LIMCH1: variants seen among roughly 807,000 people sequenced by gnomAD.
The protein encoded by LIMCH1 is LIM and calponin homology domains 1, also known as LIM and calponin homology domains-containing protein 1.
A neutral mutation model predicts 176.5 loss-of-function variants in LIMCH1; 113 were observed. The observed-to-expected ratio is 0.64, with a 90% CI of 0.55 to 0.75. LIMCH1 has a LOEUF of 0.75. Ranked by LOEUF, LIMCH1 falls within the 30% of genes least tolerant of loss-of-function variation. The probability of loss-of-function intolerance (pLI) is 0.00; values close to 1 mark genes in which losing one functional copy is unlikely to be tolerated. For synonymous variants in LIMCH1, 619 were observed against 645.9 expected (o/e 0.96, Z 0.63); for missense variants, 1,674 against 1,814.9 (o/e 0.92, Z 1.41).
At chr4:41,572,986 G>C (rs948882387) in intron 1 of LIMCH1, among the ~76,000 whole-genome samples, 2 of 152,168 alleles carry the variant, frequency 1.3e-5, no homozygotes, top group African/African-American at 4.8e-5. Context: ...CTGCATTAGG[G>C]GTTATGTAGA....
intron 29 of LIMCH1, 32 bp downstream of exon 29, chr4:41,687,949 G>T (rs776209079): frequency 6.4e-7 from 1 of 1,558,114 alleles, no homozygotes; most frequent in Non-Finnish European, 8.9e-7. Flanking sequence ...TTCTGAGGCT[G>T]CTTTGTTATG....
chr4:41,622,527 C>T (rs1037912245), intron 7 of LIMCH1, among the ~76,000 whole-genome samples: 7 of 152,040 alleles, frequency 4.6e-5, no homozygotes, highest in East Asian at 1.9e-4. Flanking sequence ...TGAAGGGGAG[C>T]GGCATTAAGC....
chr4:41,660,594 C>T (rs997889995), intron 18 of LIMCH1, among the ~76,000 whole-genome samples: 1 of 152,092 alleles, frequency 6.6e-6, no homozygotes, highest in African/African-American at 2.4e-5. Context: ...AGGTATGAGT[C>T]AAAGATCACT....
At chr4:41,460,476 A>ATATATATCTATCTATCTATC (rs965621988) in intron 1 of LIMCH1, among the ~76,000 whole-genome samples, 1 of 142,664 alleles carries the variant, frequency 7.0e-6, no homozygotes, top group African/African-American at 2.7e-5. Flanking sequence ...ATATATATAT[A>ATATATATCTATCTATCTATC]TATCTTATAA....
chr4:41,543,134 A>T (rs2078898299), intron 1 of LIMCH1, among the ~76,000 whole-genome samples: 1 of 152,226 alleles, frequency 6.6e-6, no homozygotes, highest in African/African-American at 2.4e-5. Flanking sequence ...GTGGGTGTTC[A>T]TTCCATTGGT....
At chr4:41,572,274 T>C (rs2083679528) in intron 1 of LIMCH1, among the ~76,000 whole-genome samples, 1 of 152,180 alleles carries the variant, frequency 6.6e-6, no homozygotes, top group Non-Finnish European at 1.5e-5. Flanking sequence ...TGTATAGAGA[T>C]ACACACAGTT....
intron 1 of LIMCH1, among the ~76,000 whole-genome samples, chr4:41,433,212 G>A (rs1352168910): frequency 6.6e-6 from 1 of 152,218 alleles, no homozygotes; most frequent in Non-Finnish European, 1.5e-5. Context: ...CCTTGCAAAT[G>A]AGCGGGCATT....
intron 1 of LIMCH1, among the ~76,000 whole-genome samples, chr4:41,478,243 A>C (rs900032160): frequency 2.0e-5 from 3 of 152,224 alleles, no homozygotes; most frequent in Admixed American, 1.3e-4. Context: ...CAAATCAAAA[A>C]TTAGTATTTT....
At chr4:41,468,886 C>T (rs147923494) in intron 1 of LIMCH1, among the ~76,000 whole-genome samples, 192 of 152,152 alleles carry the variant, frequency 1.3e-3, no homozygotes, top group African/African-American at 4.5e-3. Context: ...TATGGAGAGA[C>T]CGTTATTTTT....
At chr4:41,551,491 G>T (rs1464711271) in intron 1 of LIMCH1, 2 of 152,104 alleles carry the variant, frequency 1.3e-5, no homozygotes, top group African/African-American at 4.8e-5. Context: ...CCAGGGGTAG[G>T]CTGTATTGCT....
chr4:41,440,341 C>T (rs2062568568), intron 1 of LIMCH1, among the ~76,000 whole-genome samples: 1 of 152,120 alleles, frequency 6.6e-6, no homozygotes, highest in African/African-American at 2.4e-5. Context: ...TTTTTGACTT[C>T]AATGCTTTCC....
chr4:41,467,263 T>C (rs2066291700), intron 1 of LIMCH1, among the ~76,000 whole-genome samples: 2 of 152,070 alleles, frequency 1.3e-5, no homozygotes, highest in Admixed American at 1.3e-4. Flanking sequence ...CTTTTGGCTA[T>C]TGTGAATAAT....
In LIMCH1 at chr4:41,483,735, C is replaced by T. The variant is rs1048104598; in HGVS notation, c.97-10801C>T. Reference sequence around the variant, plus strand: ...TACAGGTCTTTGTATCTGCCTGGAGCGCCCTACTTCATCTCCTTCCTTGGG... The same window carrying T: ...TACAGGTCTTTGTATCTGCCTGGAGTGCCCTACTTCATCTCCTTCCTTGGG... On this transcript the variant is annotated intron_variant, in intron 1 of 26. Transcript: ENST00000313860. 5.9e-5 allele frequency among the ~76,000 whole-genome samples: 9 copies of T among 152,188 alleles called. No homozygotes were observed. The South Asian group carries it at 6.2e-4, about 11-fold the overall frequency.
intron 1 of LIMCH1, among the ~76,000 whole-genome samples, chr4:41,565,867 A>T (rs2082697366): frequency 6.6e-6 from 1 of 152,214 alleles, no homozygotes; most frequent in Admixed American, 6.5e-5. Flanking sequence ...GTCTAAGATG[A>T]TGCTGATAAT....
Position 41,646,583 on chromosome 4 carries a change from T to C in LIMCH1, c.2510T>C (p.Ile837Thr), listed in dbSNP as rs1562065405. Reference protein sequence around the residue: ...ILQQYIERFTISEAVLERLEM... With the variant: ...ILQQYIERFTTSEAVLERLEM... Reference sequence around the variant, plus strand: ...CAACAGTACATTGAGAGGTTCACCATCAGTGAGGCTGTTCTCGAACGCTTG... The same window carrying C: ...CAACAGTACATTGAGAGGTTCACCACCAGTGAGGCTGTTCTCGAACGCTTG... The change falls in exon 17 of 32, where the codon ATC becomes ACC. Residue 837 changes from isoleucine (I) to threonine (T), a missense_variant. By Grantham distance (89) the Ile-to-Thr change is moderately conservative. This residue lies in a region of LIMCH1 where 1,015 missense variants were observed against 1,102.5 expected (regional missense o/e 0.92). Coordinates refer to ENST00000503057, the MANE Select transcript of LIMCH1 (RefSeq NM_001330672.2). 2.3e-5 allele frequency: 37 copies of C among 1,614,062 alleles called. No homozygotes were observed. Among genetic ancestry groups the C allele is most frequent in the Non-Finnish European group, 3.1e-5 (36 of 1,180,040 alleles).
chr4:41,557,546 C>CTGTGTGTGTGTGTGTGTGTG (rs34757433), intron 1 of LIMCH1, among the ~76,000 whole-genome samples: 70 of 147,838 alleles, frequency 4.7e-4, no homozygotes, highest in African/African-American at 1.7e-3. Context: ...TTTATTGCCT[C>CTGTGTGTGTGTGTGTGTGTG]TGTGTGTGTG....
chr4:41,476,297 T>C (rs2067732256), intron 1 of LIMCH1, among the ~76,000 whole-genome samples: 1 of 152,230 alleles, frequency 6.6e-6, no homozygotes, highest in Non-Finnish European at 1.5e-5. Context: ...ACCTTGCTTT[T>C]TTTCCTGTAA....
At chr4:41,494,595 C>G in exon 2 of LIMCH1, 2 of 1,609,740 alleles carry the variant, frequency 1.2e-6, no homozygotes, top group Non-Finnish European at 1.7e-6. Flanking sequence ...AAAATGGAAT[C>G]CTCCTCTGCG....
intron 4 of LIMCH1, among the ~76,000 whole-genome samples, chr4:41,606,486 T>A (rs2090731650): frequency 1.3e-5 from 2 of 152,198 alleles, no homozygotes; most frequent in African/African-American, 4.8e-5. Flanking sequence ...ATACATTAAA[T>A]GCATTCTCCT....
Sources: gnomAD v4.1 joint callset for allele counts (sites outside exome capture counted in the v4.1 genomes callset) on GRCh38, gnomAD v4.1.1 for gene constraint, gnomAD v4.1.1 regional missense constraint, MANE v1.5 for transcripts, NCBI Gene and HGNC (gene_info 2026-07-23, HGNC 2026-07-21) for gene names.